The following THAP3 variants were observed in gnomAD, a reference collection of about 807,000 sequenced individuals.
THAP3 encodes the protein THAP domain containing 3.
Under a neutral mutation model 17.7 loss-of-function variants are expected in THAP3, and 12 were observed. The ratio of observed to expected loss-of-function variants is 0.68; its 90% confidence interval spans 0.43 to 1.10. THAP3 has a LOEUF of 1.10. Among genes scored for constraint, THAP3 ranks in the 50% least tolerant of loss-of-function variants. The probability of loss-of-function intolerance (pLI) is 0.00; values close to 1 mark genes in which losing one functional copy is unlikely to be tolerated. For missense variants in THAP3, 289 were observed against 318.0 expected (o/e 0.91, Z 0.69); for synonymous variants, 133 against 126.9 (o/e 1.05, Z -0.32).
Position 6,632,449 on chromosome 1 carries a change from T to G in THAP3, c.392T>G (p.Leu131Arg). ...DSPGRNMDTA[L>R]EELQLPPNAE... is the part of the protein sequence containing the mutation. ...CCTGGGAGAAACATGGACACTGCAC[T>G]TGAAGAGCTTCAGTTGCCCCCAAAT... Residue 131 changes from leucine (L) to arginine (R), a missense_variant, in exon 5 of 6, where the codon CTT (leucine) becomes CGT (arginine). Physicochemically the swap from Leu to Arg is moderately radical, Grantham distance 102. Transcript: ENST00000054650. The G allele has an allele frequency of 6.2e-7, 1 of 1,614,156 alleles. No homozygotes were observed. The highest frequency in any genetic ancestry group is 8.5e-7 in the Non-Finnish European group (1 of 1,180,028).
At chr1:6,626,721 C>G (rs1408205307) in intron 2 of THAP3, among the ~76,000 whole-genome samples, 1 of 152,220 alleles carries the variant, frequency 6.6e-6, no homozygotes, top group Non-Finnish European at 1.5e-5. Context: ...TAGCGCGCAC[C>G]TGAAATCCCA....
chr1:6,632,361 G>A (rs1641640667), intron 4 of THAP3, 30 bp from the exon 5 acceptor site: 4 of 1,612,550 alleles, frequency 2.5e-6, no homozygotes, highest in Non-Finnish European at 3.4e-6. Flanking sequence ...GTGCAGGGCT[G>A]TAGTGCAGAC....
intron 2 of THAP3, among the ~76,000 whole-genome samples, chr1:6,626,536 G>A (rs562887523): frequency 7.2e-5 from 11 of 151,908 alleles, no homozygotes; most frequent in African/African-American, 2.4e-4. Context: ...TTTTTTGGAT[G>A]ACAAATACAT....
At position 6,632,924 on chromosome 1, in the gene THAP3, G is replaced by GA; in HGVS notation, c.573dup (p.Leu192ThrfsTer9). 5 of 1,612,958 alleles carry GA rather than the reference G, an allele frequency of 3.1e-6. No individual in the cohort carries two copies. The highest frequency in any genetic ancestry group is 4.2e-6 in the Non-Finnish European group (5 of 1,179,906). On this transcript the variant is annotated frameshift_variant, in exon 6 of 6. Transcript: ENST00000054650. LOFTEE classifies it low-confidence loss of function (END_TRUNC). ...CCCTTTTGGACTTAGATTCCCTGAA[G>GA]AAAAAACTCTTCCTCACTCTGAAGG... is the stretch of plus-strand genomic sequence containing the variant.
intron 3 of THAP3, among the ~76,000 whole-genome samples, chr1:6,629,138 T>C (rs1268610139): frequency 1.3e-5 from 2 of 152,096 alleles, no homozygotes. Flanking sequence ...GAGGCAGAGG[T>C]TGCAGTGAGC....
chr1:6,625,451 C>T lies in THAP3; in HGVS notation c.74+159C>T, dbSNP rs944636477. ...GCCCAGAGGGGCTGGCGCCGCCGCG[C>T]CCGCCGCGGGGATGCGGGGAGTGGC... is the stretch of plus-strand genomic sequence containing the variant. On this transcript the variant is annotated intron_variant, in intron 2 of 5. Transcript: ENST00000054650. Among the ~76,000 whole-genome samples the T allele has an allele frequency of 3.9e-4, 59 of 151,908 alleles. 1 individual carries two copies. The highest frequency in any genetic ancestry group is 2.9e-5 in the Non-Finnish European group (2 of 67,900).
downstream of THAP3, chr1:6,634,655 C>T: frequency 7.3e-7 from 1 of 1,366,440 alleles, no homozygotes; most frequent in Non-Finnish European, 9.8e-7. Context: ...TGGAGGGGGT[C>T]CTAGCTCCGC....
chr1:6,628,725 T>C, intron 3 of THAP3, 34 bp downstream of exon 3: 1 of 1,587,272 alleles, frequency 6.3e-7, no homozygotes, highest in Middle Eastern at 1.7e-4. Flanking sequence ...TCTGGTCACA[T>C]CCAGCCTGCG....
downstream of THAP3, chr1:6,634,910 T>TGGTGCAGGC (rs1641731658): frequency 1.7e-6 from 2 of 1,176,294 alleles, no homozygotes; most frequent in Non-Finnish European, 1.1e-6. Context: ...TGGAGGTGGG[T>TGGTGCAGGC]GGTGCAGGCG....
intron 5 of THAP3, 133 bp downstream of exon 5, chr1:6,632,628 C>T: frequency 6.9e-7 from 1 of 1,457,674 alleles, no homozygotes; most frequent in Non-Finnish European, 9.4e-7. Flanking sequence ...TTCAGAGCTC[C>T]CCAGTCAAAT....
chr1:6,635,358 C>T (rs552631763), downstream of THAP3: 232 of 284,670 alleles, frequency 8.1e-4, no homozygotes, highest in African/African-American at 4.8e-3. Flanking sequence ...TACAGGGCGG[C>T]GGGCTGCGGT....
intron 3 of THAP3, 26 bp from the exon 4 acceptor site, chr1:6,630,262 A>G (rs1641572238): frequency 6.2e-7 from 1 of 1,612,330 alleles, no homozygotes; most frequent in South Asian, 1.1e-5. Context: ...TGGGGTCTGC[A>G]TCCACTCTGT....
At position 6,632,929 on chromosome 1, in the gene THAP3, A is replaced by G. The variant is rs1431151852; in HGVS notation, c.572A>G (p.Lys191Arg). ...TTGGACTTAGATTCCCTGAAGAAAA[A>G]ACTCTTCCTCACTCTGAAGGAAAAT... ...ALLDLDSLKK[K>R]LFLTLKENEK... Residue 191 changes from lysine to arginine, a missense_variant, in exon 6 of 6, where the codon AAA (lysine) becomes AGA (arginine). Coordinates refer to ENST00000054650, the MANE Select transcript of THAP3 (RefSeq NM_001195753.2). 4 of 1,612,864 alleles carry G rather than the reference A, an allele frequency of 2.5e-6. No individual in the cohort carries two copies. In the South Asian group the frequency reaches 4.4e-5, roughly 18 times the overall value.
downstream of THAP3, chr1:6,633,929 G>T: frequency 8.4e-7 from 1 of 1,185,804 alleles, no homozygotes; most frequent in South Asian, 1.4e-5. Context: ...AAAAAAAACT[G>T]ACTTCCTATT....
rs570142235 is a variant in THAP3, at chr1:6,629,423, C to T, written c.267+732C>T. ...CACGCCCAGAGCGGCCGCCTGGGAG[C>T]CCCTGCCCCATCTGTCCTCCCCAGC... On this transcript the variant is annotated intron_variant, in intron 3 of 5. Coordinates refer to ENST00000054650, the MANE Select transcript of THAP3 (RefSeq NM_001195753.2). Among the ~76,000 whole-genome samples, 22 of 152,288 alleles carry T rather than the reference C, an allele frequency of 1.4e-4. No individual in the cohort carries two copies. The East Asian group carries it at 3.9e-3, about 27-fold the overall frequency.
intron 3 of THAP3, among the ~76,000 whole-genome samples, chr1:6,628,916 C>T (rs1158633864): frequency 6.6e-6 from 1 of 152,196 alleles, no homozygotes; most frequent in African/African-American, 2.4e-5. Flanking sequence ...ATGAATTATT[C>T]TATGGCTGGG....
At chr1:6,635,062 A>G, downstream of THAP3, 3 of 244,742 alleles carry the variant, frequency 1.2e-5, no homozygotes, top group Non-Finnish European at 1.6e-5. Context: ...CGGTGGAATG[A>G]CTTGAGCAGC....
At chr1:6,628,788 C>T in intron 3 of THAP3, 97 bp downstream of exon 3, 1 of 1,293,504 alleles carries the variant, frequency 7.7e-7, no homozygotes, top group Non-Finnish European at 1.1e-6. Context: ...TGGGAAAAGC[C>T]AAGGCCAAGA....
At chr1:6,628,901 T>A (rs917670825) in intron 3 of THAP3, among the ~76,000 whole-genome samples, 2 of 152,210 alleles carry the variant, frequency 1.3e-5, no homozygotes, top group African/African-American at 4.8e-5. Flanking sequence ...AAAGGCATTT[T>A]AAAAATGAAT....
Sources: gnomAD v4.1 joint callset for allele counts (sites outside exome capture counted in the v4.1 genomes callset) on GRCh38, gnomAD v4.1.1 for gene constraint, MANE v1.5 for transcripts, NCBI Gene and HGNC (gene_info 2026-07-23, HGNC 2026-07-21) for gene names.